The following TMEM94 variants were observed in gnomAD, a reference collection of about 807,000 sequenced individuals.
The protein encoded by TMEM94 is ER Mg2+ ATPase.
Under a neutral mutation model 158.6 loss-of-function variants are expected in TMEM94, and 81 were observed. That is an observed-to-expected ratio of 0.51 (90% CI 0.43 to 0.61). TMEM94 has a LOEUF of 0.61. TMEM94 is among the 20% of genes least tolerant of loss of function. TMEM94 has a pLI of 0.00. For synonymous variants in TMEM94, 751 were observed against 730.7 expected, an observed-to-expected ratio of 1.03 and a Z score of -0.45; for missense variants, 1,435 against 1,762.0, an observed-to-expected ratio of 0.81 and a Z score of 3.32.
chr17:75,470,481 G>A (rs559510516), intron 1 of TMEM94, among the ~76,000 whole-genome samples: 20 of 152,068 alleles, frequency 1.3e-4, no homozygotes, highest in African/African-American at 3.4e-4. Flanking sequence ...CAAGACAGGC[G>A]GATCATGAGG....
chr17:75,474,745 G>A (rs2050615161), intron 2 of TMEM94, among the ~76,000 whole-genome samples: 1 of 152,204 alleles, frequency 6.6e-6, no homozygotes, highest in Non-Finnish European at 1.5e-5. Flanking sequence ...ATGGTAGGAG[G>A]GTTGTCGTCC....
At position 75,487,527 on chromosome 17, in the gene TMEM94, G is replaced by T. The variant is rs564286893; in HGVS notation, c.410-405G>T. 2.3e-5 allele frequency: 4 copies of T among 174,120 alleles called. No homozygotes were observed. The highest frequency in any genetic ancestry group is 4.9e-5 in the Non-Finnish European group (4 of 81,698). The allele number at this position is 174,120 out of a possible 1,614,324, so 10.8% of individuals were successfully genotyped here. A position where few individuals can be genotyped will look rare whatever the true frequency, so the allele number is the denominator to read the frequency against. ...GGACTCCTGCAGCACAGGGATCTTT[G>T]TTAATGCTTAGCCGTGTTTGCCTTG... On this transcript the variant is annotated intron_variant, in intron 5 of 31. Transcript: ENST00000314256. This position sits in a 1 kb window ranked among gnomAD's most constrained non-coding sequence, Gnocchi z 4.6.
chr17:75,494,010 C>T, intron 18 of TMEM94, 94 bp downstream of exon 18: 2 of 1,218,478 alleles, frequency 1.6e-6, no homozygotes, highest in South Asian at 1.4e-5. Context: ...GGCCCCGGCA[C>T]CCCCCACAGC....
In TMEM94 at chr17:75,494,676, C is replaced by T. The variant is rs967635482; in HGVS notation, c.2457C>T (p.Ser819=). ...LEKEDCMQAL[S]GQIFMGMVSS... Reference sequence around the variant, plus strand: ...AGGAAGACTGCATGCAGGCCCTGAGCGGCCAGATCTTCATGGGCATGGTGT... The same window carrying T: ...AGGAAGACTGCATGCAGGCCCTGAGTGGCCAGATCTTCATGGGCATGGTGT... Residue 819 remains serine, a synonymous_variant, in exon 19 of 32, where the codon AGC becomes AGT. Coordinates refer to ENST00000314256, the MANE Select transcript of TMEM94 (RefSeq NM_014738.6). The T allele has an allele frequency of 6.8e-6, 11 of 1,613,600 alleles. No homozygotes were observed. The highest frequency in any genetic ancestry group is 3.3e-5 in the South Asian group (3 of 91,090).
At chr17:75,465,849 T>A (rs7212620) in intron 1 of TMEM94, among the ~76,000 whole-genome samples, 83,478 of 151,360 alleles carry the variant, frequency 0.55, 26,220 homozygotes, top group Non-Finnish European at 0.71. Context: ...TCAATTTTTT[T>A]ATGGCATATT....
Position 75,491,734 on chromosome 17 carries a change from C to T in TMEM94, c.1430C>T (p.Thr477Ile), listed in dbSNP as rs1326078250. 4.3e-6 allele frequency: 7 copies of T among 1,613,990 alleles called. No homozygotes were observed. The highest frequency in any genetic ancestry group is 5.9e-6 in the Non-Finnish European group (7 of 1,180,046). The change falls in exon 14 of 32, where the codon ACC becomes ATC. Residue 477 changes from threonine (T) to isoleucine (I), a missense_variant. Transcript: ENST00000314256. This position sits in a 1 kb window ranked among gnomAD's most constrained non-coding sequence, Gnocchi z 5.1. Reference protein sequence around the residue: ...DALLAGSLNNTLHLSNEQERG... With the variant: ...DALLAGSLNNILHLSNEQERG... ...CTCCTGGCTGGCTCCCTGAACAACACCCTGCACCTTTCCAATGAGCAGGAG... is the reference window on the plus strand; with the variant it reads ...CTCCTGGCTGGCTCCCTGAACAACATCCTGCACCTTTCCAATGAGCAGGAG...
chr17:75,491,993 G>A lies in TMEM94; in HGVS notation c.1596+93G>A. On this transcript the variant is annotated intron_variant, in intron 14 of 31. Transcript: ENST00000314256. This position sits in a 1 kb window ranked among gnomAD's most constrained non-coding sequence, Gnocchi z 5.1. ...GCCTGGCCTCACAAGGTCTGAAAGAGCAGGCGTCTCTGCCCTCTGTCCCAG... is the reference window on the plus strand; with the variant it reads ...GCCTGGCCTCACAAGGTCTGAAAGAACAGGCGTCTCTGCCCTCTGTCCCAG... The A allele has an allele frequency of 1.6e-6, 2 of 1,287,952 alleles. No homozygotes were observed. The highest frequency in any genetic ancestry group is 2.2e-6 in the Non-Finnish European group (2 of 919,838). The allele number at this position is 1,287,952 out of a possible 1,614,324, so 79.8% of individuals were successfully genotyped here.
At position 75,493,079 on chromosome 17, in the gene TMEM94, T is replaced by C. The variant is rs2146768299; in HGVS notation, c.2063T>C (p.Leu688Pro). 6.2e-7 allele frequency: 1 copy of C among 1,613,252 alleles called. No homozygotes were observed. The highest frequency in any genetic ancestry group is 1.7e-4 in the Middle Eastern group (1 of 6,060). ...RRPPLSHMISLFIKDTTTSTE... is the reference protein window; with the variant it reads ...RRPPLSHMISPFIKDTTTSTE... ...CCTCCCCTCAGCCACATGATCAGCC[T>C]CTTCATTAAAGACACCACCACCAGT... is the stretch of plus-strand genomic sequence containing the variant. The change falls in exon 16 of 32, where the codon CTC becomes CCC. Residue 688 changes from leucine (L) to proline (P), a missense_variant. Leu to Pro is a moderately conservative substitution (Grantham distance 98). Transcript: ENST00000314256.
chr17:75,465,679 A>ATTTTTTTTTTTTTTTTTTTTTTT (rs66618031), intron 1 of TMEM94, among the ~76,000 whole-genome samples: 2 of 124,808 alleles, frequency 1.6e-5, no homozygotes, highest in African/African-American at 7.0e-5. Flanking sequence ...ATATATATAT[A>ATTTTTTTTTTTTTTTTTTTTTTT]TTTTTTTTTA....
chr17:75,486,400 T>C lies in TMEM94; in HGVS notation c.383T>C (p.Leu128Pro). 6.2e-7 allele frequency: 1 copy of C among 1,614,188 alleles called. No individual in the cohort carries two copies. The highest frequency in any genetic ancestry group is 8.5e-7 in the Non-Finnish European group (1 of 1,180,018). The change falls in exon 5 of 32, where the codon CTG (leucine) becomes CCG (proline). Residue 128 changes from leucine to proline, a missense_variant. Physicochemically the swap from Leu to Pro is moderately conservative, Grantham distance 98. Around this residue, in one of 3 missense-constraint regions of TMEM94, gnomAD observed 1,051 missense variants for 1,254.4 expected, o/e 0.84. Transcript: ENST00000314256. The part of the protein sequence containing the change: ...RLKRREVERR[L>P]RGIIDQIQDA... ...AAGCGTCGGGAGGTAGAGCGGAGGC[T>C]GCGAGGGATCATTGACCAAATCCAA...
At chr17:75,468,993 G>A (rs2050402457) in intron 1 of TMEM94, among the ~76,000 whole-genome samples, 1 of 152,158 alleles carries the variant, frequency 6.6e-6, no homozygotes, top group African/African-American at 2.4e-5. Context: ...TCATTAGAGT[G>A]ACGGCTGCCA....
chr17:75,497,318 G>A, intron 26 of TMEM94, 120 bp downstream of exon 26: 3 of 659,798 alleles, frequency 4.5e-6, no homozygotes, highest in Non-Finnish European at 8.0e-6. Flanking sequence ...CTCTGGTACA[G>A]GAGGCATGGA....
intron 2 of TMEM94, among the ~76,000 whole-genome samples, chr17:75,477,829 T>C (rs1162223061): frequency 6.6e-6 from 1 of 150,610 alleles, no homozygotes; most frequent in Non-Finnish European, 1.5e-5. Flanking sequence ...GCCAACATAG[T>C]GAAACCCTCT....
Position 75,493,512 on chromosome 17 carries a change from A to G in TMEM94, c.2108A>G (p.His703Arg), listed in dbSNP as rs746773131. The G allele has an allele frequency of 3.2e-5, 51 of 1,613,868 alleles. No individual in the cohort carries two copies. Among genetic ancestry groups the G allele is most frequent in the Non-Finnish European group, 4.2e-5 (50 of 1,180,012 alleles). ...TTTSTEQMLSHGTADVVLEAC... is the reference protein window; with the variant it reads ...TTTSTEQMLSRGTADVVLEAC... Reference sequence around the variant, plus strand: ...CCAGGCACAGAGCAGATGCTGTCCCATGGCACCGCTGATGTGGTCTTAGAG... The same window carrying G: ...CCAGGCACAGAGCAGATGCTGTCCCGTGGCACCGCTGATGTGGTCTTAGAG... Residue 703 changes from histidine (H) to arginine (R), a missense_variant, in exon 17 of 32, where the codon CAT (histidine) becomes CGT (arginine). This residue lies in a region of TMEM94 where 1,051 missense variants were observed against 1,254.4 expected (regional missense o/e 0.84). Transcript: ENST00000314256.
intron 16 of TMEM94, 67 bp from the exon 17 acceptor site, chr17:75,493,424 C>T (rs1298699321): frequency 2.2e-5 from 32 of 1,473,670 alleles, no homozygotes; most frequent in Non-Finnish European, 2.8e-5. Flanking sequence ...GAGGACAGTG[C>T]GTTGCCTGTC....
In TMEM94 at chr17:75,496,123, C is replaced by G. The variant is rs778013478; in HGVS notation, c.3053+49C>G. The G allele has an allele frequency of 5.2e-6, 8 of 1,538,674 alleles. No individual in the cohort carries two copies. In the South Asian group the frequency reaches 6.9e-5, roughly 13 times the overall value. The stretch of plus-strand genomic sequence containing the variant: ...GCGGGCCAGCCTCTACCTCCCAGAC[C>G]GGAGGATCAGATGGGCCTGCGTGGG... On this transcript the variant is annotated intron_variant, in intron 23 of 31. Transcript: ENST00000314256.
chr17:75,490,680 A>G, intron 10 of TMEM94, 22 bp from the exon 11 acceptor site: 1 of 1,612,298 alleles, frequency 6.2e-7, no homozygotes, highest in Non-Finnish European at 8.5e-7. Context: ...CTCACTGAGG[A>G]CCTCACCCTC....
rs2052327245 is a variant in TMEM94, at chr17:75,492,759, T to A, written c.1882T>A (p.Trp628Arg). ...HSAVLPVHVP[W>R]GLCELARLIG... Reference sequence around the variant, plus strand: ...CGCCGTGCTGCCCGTCCATGTGCCCTGGGGCCTCTGCGAGCTTGCCCGCCT... The same window carrying A: ...CGCCGTGCTGCCCGTCCATGTGCCCAGGGGCCTCTGCGAGCTTGCCCGCCT... The change falls in exon 15 of 32, where the codon TGG (tryptophan) becomes AGG (arginine). Residue 628 changes from tryptophan to arginine, a missense_variant. By Grantham distance (101) the Trp-to-Arg change is moderately radical. Coordinates refer to ENST00000314256, the MANE Select transcript of TMEM94 (RefSeq NM_014738.6). The surrounding 1 kb of genome is among the most constrained non-coding windows in gnomAD (Gnocchi z 4.4). The A allele has an allele frequency of 1.2e-6, 2 of 1,608,212 alleles. No homozygotes were observed. The highest frequency in any genetic ancestry group is 1.7e-6 in the Non-Finnish European group (2 of 1,179,722).
intron 1 of TMEM94, among the ~76,000 whole-genome samples, chr17:75,470,573 C>T (rs1258371161): frequency 2.0e-5 from 3 of 151,970 alleles, no homozygotes; most frequent in East Asian, 1.9e-4. Context: ...GGCGTGGTGG[C>T]GGGCGCCTGT....
Sources: allele counts gnomAD v4.1 joint callset (sites outside exome capture counted in the v4.1 genomes callset), GRCh38; gene constraint gnomAD v4.1.1; regional missense constraint gnomAD v4.1.1; non-coding constraint Gnocchi (gnomAD v3.1); transcripts MANE v1.5; gene names NCBI Gene and HGNC (gene_info 2026-07-23, HGNC 2026-07-21).